LRRC4C: variants seen among roughly 807,000 people sequenced by gnomAD.
The protein encoded by LRRC4C is leucine-rich repeat-containing protein 4C.
In LRRC4C, 5 loss-of-function variants were observed where a neutral mutation model predicts 33.6. The observed-to-expected ratio is 0.15, with a 90% CI of 0.08 to 0.31. LRRC4C has a LOEUF of 0.31. LRRC4C is among the 10% of genes least tolerant of loss of function. The pLI, the probability that LRRC4C is intolerant of heterozygous loss-of-function variation, is 1.00. For missense variants in LRRC4C, 560 were observed against 796.7 expected, an observed-to-expected ratio of 0.70 and a Z score of 3.58; for synonymous variants, 329 against 302.0, an observed-to-expected ratio of 1.09 and a Z score of -0.93.
At chr11:40,699,147 A>C (rs991923620) in intron 2 of LRRC4C, among the ~76,000 whole-genome samples, 2 of 152,332 alleles carry the variant, frequency 1.3e-5, no homozygotes, top group African/African-American at 2.4e-5. Flanking sequence ...GTTCATTACA[A>C]TCATCTAAAT....
At chr11:40,482,416 T>C (rs537025486) in intron 3 of LRRC4C, among the ~76,000 whole-genome samples, 1 of 151,980 alleles carries the variant, frequency 6.6e-6, no homozygotes, top group Non-Finnish European at 1.5e-5. Context: ...ACTGTAGAAA[T>C]CAGAAAAGAC....
Position 40,500,787 on chromosome 11 carries a change from C to T in LRRC4C, c.-270+147355G>A, listed in dbSNP as rs113876464. 6.7e-3 allele frequency among the ~76,000 whole-genome samples: 1,021 copies of T among 152,176 alleles called. 17 individuals carry two copies. Among genetic ancestry groups the T allele is most frequent in the African/African-American group, 0.023 (968 of 41,502 alleles). ...CATATCATTTCACACCTTGCCCCTG[C>T]CAAATCTCATGTCCTCAAATTTCAA... On this transcript the variant is annotated intron_variant, in intron 3 of 6. Transcript: ENST00000528697.
intron 3 of LRRC4C, among the ~76,000 whole-genome samples, chr11:40,332,789 C>T (rs577346051): frequency 2.7e-4 from 41 of 152,252 alleles, no homozygotes; most frequent in South Asian, 6.2e-4. Flanking sequence ...AGTTGTTCTG[C>T]AACTTTTAGC....
intron 1 of LRRC4C, among the ~76,000 whole-genome samples, chr11:41,335,329 G>C (rs1951419529): frequency 6.6e-6 from 1 of 152,162 alleles, no homozygotes; most frequent in Non-Finnish European, 1.5e-5. Flanking sequence ...TATATGAATA[G>C]AGTTTAAGGG....
At chr11:41,348,530 G>A (rs893969932) in intron 1 of LRRC4C, among the ~76,000 whole-genome samples, 1 of 152,004 alleles carries the variant, frequency 6.6e-6, no homozygotes, top group Non-Finnish European at 1.5e-5. Flanking sequence ...GAAAGAAAGA[G>A]TGTTGCCCTC....
chr11:40,979,508 C>T (rs1852350941), intron 1 of LRRC4C, among the ~76,000 whole-genome samples: 1 of 152,188 alleles, frequency 6.6e-6, no homozygotes, highest in African/African-American at 2.4e-5. Context: ...ACCACCATTT[C>T]TTTCCCAGTG....
At chr11:40,591,235 G>A (rs1002936142) in intron 3 of LRRC4C, among the ~76,000 whole-genome samples, 4 of 152,110 alleles carry the variant, frequency 2.6e-5, no homozygotes, top group South Asian at 2.1e-4. Context: ...GGAGCGACCC[G>A]ATTTTCCAGG....
intron 2 of LRRC4C, among the ~76,000 whole-genome samples, chr11:40,671,610 G>A (rs1336400679): frequency 1.3e-5 from 2 of 148,962 alleles, no homozygotes; most frequent in Non-Finnish European, 3.0e-5. Context: ...ACCCAATGCC[G>A]CTTAATGTCT....
intron 3 of LRRC4C, among the ~76,000 whole-genome samples, chr11:40,499,493 C>T (rs539311205): frequency 2.6e-5 from 4 of 152,252 alleles, no homozygotes; most frequent in Admixed American, 6.5e-5. Flanking sequence ...GTACATTCAA[C>T]CAGTAGGAAA....
chr11:41,209,644 C>CA (rs34559903), intron 1 of LRRC4C, among the ~76,000 whole-genome samples: 31,832 of 115,306 alleles, frequency 0.28, 3,960 homozygotes, highest in Admixed American at 0.45. Flanking sequence ...GACTCTGTCT[C>CA]AAAAAAAAAA....
intron 2 of LRRC4C, among the ~76,000 whole-genome samples, chr11:40,789,035 G>C (rs1418514857): frequency 1.4e-5 from 2 of 146,890 alleles, no homozygotes; most frequent in South Asian, 2.2e-4. Context: ...AGAGCTTGCA[G>C]TGAGCCGAGA....
At chr11:41,163,284 G>GTTTTTGTTTTTTTTTTTTT (rs1944556919) in intron 1 of LRRC4C, among the ~76,000 whole-genome samples, 1 of 73,380 alleles carries the variant, frequency 1.4e-5, no homozygotes. Flanking sequence ...TACTGTAACT[G>GTTTTTGTTTTTTTTTTTTT]TTTTTTTTTT....
At chr11:40,283,624 T>C (rs143635202) in intron 4 of LRRC4C, among the ~76,000 whole-genome samples, 54 of 150,134 alleles carry the variant, frequency 3.6e-4, no homozygotes, top group Middle Eastern at 3.5e-3. Context: ...CCAGATACAC[T>C]GAAAATCTCT....
chr11:40,196,408 G>A (rs975341780), intron 5 of LRRC4C, among the ~76,000 whole-genome samples: 2 of 152,184 alleles, frequency 1.3e-5, no homozygotes, highest in African/African-American at 4.8e-5. Flanking sequence ...TAAATGGGAT[G>A]AACAAAAGCA....
intron 1 of LRRC4C, among the ~76,000 whole-genome samples, chr11:41,329,956 A>G (rs1951241752): frequency 6.6e-6 from 1 of 152,224 alleles, no homozygotes; most frequent in South Asian, 2.1e-4. Context: ...TCTATTTTAC[A>G]TGAAAACATC....
intron 2 of LRRC4C, among the ~76,000 whole-genome samples, chr11:40,665,308 TAAAAAAAAA>T (rs55827045): frequency 2.8e-4 from 12 of 43,394 alleles, no homozygotes; most frequent in African/African-American, 3.2e-4. Context: ...ATTGCTTTCT[TAAAAAAAAA>T]AAAAAAAAAT....
intron 1 of LRRC4C, among the ~76,000 whole-genome samples, chr11:41,014,258 G>A (rs956309547): frequency 9.2e-5 from 14 of 151,890 alleles, no homozygotes; most frequent in South Asian, 4.2e-4. Flanking sequence ...TGTGAATTTC[G>A]GTGGGTACAC....
At chr11:40,726,352 C>A (rs559035374) in intron 2 of LRRC4C, among the ~76,000 whole-genome samples, 78 of 152,162 alleles carry the variant, frequency 5.1e-4, no homozygotes, top group African/African-American at 1.8e-3. Flanking sequence ...ATAAGGAAAA[C>A]AGAAAATTAC....
intron 1 of LRRC4C, among the ~76,000 whole-genome samples, chr11:41,246,360 G>A (rs1948451868): frequency 6.6e-6 from 1 of 152,192 alleles, no homozygotes; most frequent in South Asian, 2.1e-4. Context: ...ACTTTGCTCT[G>A]AAATCAGAAC....
Sources: allele counts gnomAD v4.1 joint callset (sites outside exome capture counted in the v4.1 genomes callset), GRCh38; gene constraint gnomAD v4.1.1; transcripts MANE v1.5; gene names NCBI Gene and HGNC (gene_info 2026-07-23, HGNC 2026-07-21).